Variants in PLA2G4B observed in about 807,000 individuals in gnomAD.
The protein encoded by PLA2G4B is phospholipase A2 group IVB.
In PLA2G4B, 122 loss-of-function variants were observed where a neutral mutation model predicts 95.8. That is an observed-to-expected ratio of 1.27 (90% CI 1.10 to 1.48). The LOEUF is 1.48. Among genes scored for constraint, PLA2G4B ranks in the 40% most tolerant of loss-of-function variants. PLA2G4B has a pLI of 0.00. For synonymous variants in PLA2G4B, 518 were observed against 421.5 expected, an observed-to-expected ratio of 1.23 and a Z score of -2.80; for missense variants, 1,158 against 996.2, an observed-to-expected ratio of 1.16 and a Z score of -2.19.
In PLA2G4B at chr15:41,841,220, G is replaced by T. The variant is rs1189858859; in HGVS notation, c.393-11G>T. On this transcript the variant is annotated splice_polypyrimidine_tract_variant and intron_variant, in intron 5 of 19. Transcript: ENST00000458483. ...GACTCCTGCTAAGGGGGCTCTGGGGGCTCTTTCCAGGGCTGACCGTGGCGA... is the reference window on the plus strand; with the variant it reads ...GACTCCTGCTAAGGGGGCTCTGGGGTCTCTTTCCAGGGCTGACCGTGGCGA... 3 of 1,613,964 alleles carry T rather than the reference G, an allele frequency of 1.9e-6. No homozygotes were observed. The highest frequency in any genetic ancestry group is 1.1e-5 in the South Asian group (1 of 91,070).
intron 12 of PLA2G4B, 79 bp from the exon 13 acceptor site, chr15:41,844,769 C>T: frequency 1.3e-6 from 2 of 1,537,188 alleles, no homozygotes; most frequent in Non-Finnish European, 1.8e-6. Flanking sequence ...GGCCATTGTC[C>T]TAGAAAGCCC....
rs375778413 is a variant in PLA2G4B, at chr15:41,840,712, G to A, written c.219+52G>A. The A allele has an allele frequency of 7.9e-4, 1,264 of 1,605,908 alleles. 5 individuals are homozygous for A. The African/African-American group carries it at 0.014, about 18-fold the overall frequency. On this transcript the variant is annotated intron_variant, in intron 3 of 19. Transcript: ENST00000458483. ...ACCCACATCCTCGCCAGCCACTGCCGCTGCCCTGCTCACCTTTCTGTCCCC... is the reference window on the plus strand; with the variant it reads ...ACCCACATCCTCGCCAGCCACTGCCACTGCCCTGCTCACCTTTCTGTCCCC...
rs1352553996 is a variant in PLA2G4B at position 41,847,771 on chromosome 15, A to C, written c.2257A>C (p.Thr753Pro). The change falls in exon 20 of 20, where the codon ACA becomes CCA. Residue 753 changes from threonine (T) to proline (P), a missense_variant. Transcript: ENST00000458483. ...QEDVDKLLHL[T>P]HYNVCNNQEQ... is the part of the protein sequence containing the mutation. ...GGACGTGGACAAGCTGCTGCACCTG[A>C]CACATTACAATGTCTGCAACAACCA... 1.2e-6 allele frequency: 2 copies of C among 1,609,780 alleles called. No individual in the cohort carries two copies. Among genetic ancestry groups the C allele is most frequent in the African/African-American group, 2.8e-5 (2 of 71,430 alleles).
chr15:41,846,483 G>A (rs2065548899), intron 17 of PLA2G4B, 101 bp downstream of exon 17: 1 of 1,525,188 alleles, frequency 6.6e-7, no homozygotes, highest in Non-Finnish European at 8.8e-7. Flanking sequence ...CTTTGAGCTT[G>A]ATTCCCTGGA....
At chr15:41,838,985 AAT>A (rs753246644) in intron 1 of PLA2G4B, 63 bp downstream of exon 1, 71 of 1,358,998 alleles carry the variant, frequency 5.2e-5, no homozygotes, top group Non-Finnish European at 7.1e-5. Flanking sequence ...GGGCCTAGTT[AAT>A]ATGTTTCTTA....
intron 18 of PLA2G4B, 145 bp downstream of exon 18, chr15:41,846,980 C>CTCAT: frequency 8.3e-7 from 1 of 1,201,944 alleles, no homozygotes; most frequent in South Asian, 1.8e-5. Context: ...ACCAGAGGAG[C>CTCAT]TCATTCTTTT....
Position 41,846,218 on chromosome 15 carries a change from C to A in PLA2G4B, c.1616C>A (p.Pro539His). 1.2e-6 allele frequency: 2 copies of A among 1,613,858 alleles called. No homozygotes were observed. Among genetic ancestry groups the A allele is most frequent in the Non-Finnish European group, 1.7e-6 (2 of 1,179,888 alleles). Residue 539 changes from proline (P) to histidine (H), a missense_variant, in exon 17 of 20, where the codon CCC becomes CAC. Physicochemically the swap from Pro to His is moderately conservative, Grantham distance 77. Transcript: ENST00000458483. ...NQANLDKEQV[P>H]LLKIEEPPST... The stretch of plus-strand genomic sequence containing the variant: ...GCCTGTGTAGACAAGGAGCAGGTCC[C>A]CCTTCTGAAGATAGAAGAACCACCC...
chr15:41,846,166 T>C (rs200644850), intron 16 of PLA2G4B, 37 bp from the exon 17 acceptor site: 6 of 1,601,892 alleles, frequency 3.7e-6, no homozygotes, highest in Non-Finnish European at 5.1e-6. Context: ...GGGATAAAGG[T>C]GCAGGAGTCC....
chr15:41,844,589 G>A lies in PLA2G4B; in HGVS notation c.998G>A (p.Gly333Glu), dbSNP rs949939682. 2 of 1,614,164 alleles carry A rather than the reference G, an allele frequency of 1.2e-6. No homozygotes were observed. The highest frequency in any genetic ancestry group is 1.7e-5 in the Admixed American group (1 of 60,026). ...GLLDCVSYIT[G>E]ASGSTWALAN... ...TTGGATTGCGTCTCCTACATCACCG[G>A]GGCCTCGGGCTCCACCTGGTGAGCT... Residue 333 changes from glycine (G) to glutamate (E), a missense_variant, in exon 12 of 20, where the codon GGG (glycine) becomes GAG (glutamate). By Grantham distance (98) the Gly-to-Glu change is moderately conservative. Transcript: ENST00000458483.
chr15:41,845,682 G>A lies in PLA2G4B; in HGVS notation c.1402G>A (p.Gly468Arg), dbSNP rs148623870. 7 of 1,614,070 alleles carry A rather than the reference G, an allele frequency of 4.3e-6. No individual in the cohort carries two copies. Among genetic ancestry groups the A allele is most frequent in the East Asian group, 2.2e-5 (1 of 44,886 alleles). Residue 468 changes from glycine (G) to arginine (R), a missense_variant, in exon 15 of 20, where the codon GGG becomes AGG. Physicochemically the swap from Gly to Arg is moderately radical, Grantham distance 125 (BLOSUM62 -2). Transcript: ENST00000458483. ...SPYEVGFPKY[G>R]AFIPSELFGS... ...CTACGAGGTCGGCTTCCCCAAGTACGGGGCCTTCATCCCCTCTGAGCTCTT... is the reference window on the plus strand; with the variant it reads ...CTACGAGGTCGGCTTCCCCAAGTACAGGGCCTTCATCCCCTCTGAGCTCTT...
chr15:41,840,979 C>T (rs2065419986), intron 4 of PLA2G4B, 74 bp downstream of exon 4: 9 of 1,581,684 alleles, frequency 5.7e-6, no homozygotes, highest in East Asian at 2.3e-5. Flanking sequence ...TGCACACACA[C>T]GCATGTCTCT....
At chr15:41,843,948 GTGT>G in intron 11 of PLA2G4B, 137 bp downstream of exon 11, 1 of 1,425,198 alleles carries the variant, frequency 7.0e-7, no homozygotes, top group South Asian at 1.5e-5. Context: ...CTCTCACCTG[GTGT>G]TAGCAGGGAC....
In PLA2G4B at chr15:41,847,788, C is replaced by T. The variant is rs200184212; in HGVS notation, c.2274C>T (p.Cys758=). Reference sequence around the variant, plus strand: ...TGCACCTGACACATTACAATGTCTGCAACAACCAGGAGCAGCTGCTGGAGG... The same window carrying T: ...TGCACCTGACACATTACAATGTCTGTAACAACCAGGAGCAGCTGCTGGAGG... ...KLLHLTHYNV[C]NNQEQLLEAL... The change falls in exon 20 of 20, where the codon TGC becomes TGT. Residue 758 remains cysteine (C), a synonymous_variant. Coordinates refer to ENST00000458483, the MANE Select transcript of PLA2G4B (RefSeq NM_001114633.2). 131 of 1,609,832 alleles carry T rather than the reference C, an allele frequency of 8.1e-5. 1 individual carries two copies. Among genetic ancestry groups the T allele is most frequent in the Non-Finnish European group, 2.6e-5 (31 of 1,180,020 alleles).
intron 18 of PLA2G4B, among the ~76,000 whole-genome samples, 167 bp from the exon 19 acceptor site, chr15:41,847,170 C>T (rs530078803): frequency 9.3e-5 from 13 of 140,044 alleles, no homozygotes; most frequent in East Asian, 2.2e-4. Flanking sequence ...GAGCTGCCAC[C>T]GAGGCCTGTC....
At chr15:41,842,387 C>A in intron 9 of PLA2G4B, 111 bp downstream of exon 9, 1 of 1,551,142 alleles carries the variant, frequency 6.4e-7, no homozygotes. Context: ...TGAGCAGGTG[C>A]TGGGGCCAGG....
At chr15:41,846,980 C>T in intron 18 of PLA2G4B, 145 bp downstream of exon 18, 1 of 1,201,944 alleles carries the variant, frequency 8.3e-7, no homozygotes, top group Non-Finnish European at 1.1e-6. Context: ...ACCAGAGGAG[C>T]TCATTCTTTT....
At chr15:41,842,051 C>G in intron 8 of PLA2G4B, 102 bp downstream of exon 8, 1 of 1,559,068 alleles carries the variant, frequency 6.4e-7, no homozygotes, top group Non-Finnish European at 8.7e-7. Context: ...GAGTGGGCAC[C>G]CTGGCAGCAT....
At position 41,846,688 on chromosome 15, in the gene PLA2G4B, C is replaced by G; in HGVS notation, c.1800C>G (p.Leu600=). The change falls in exon 18 of 20, where the codon CTC becomes CTG. Residue 600 remains leucine (L), a synonymous_variant. Transcript: ENST00000458483. ...TTCCAGCTACCACTCTGGATGGGCT[C>G]CCCAACCAGCTGACACCCTCGGAGC... ...STWKATTLDG[L]PNQLTPSEPH... 1 of 1,611,802 alleles carries G rather than the reference C, an allele frequency of 6.2e-7. No individual in the cohort carries two copies. The highest frequency in any genetic ancestry group is 1.3e-5 in the African/African-American group (1 of 74,986).
chr15:41,845,954 A>C lies in PLA2G4B; in HGVS notation c.1507A>C (p.Asn503His), dbSNP rs1199413566. The C allele has an allele frequency of 6.6e-7, 1 of 1,515,388 alleles. No individual in the cohort carries two copies. The highest frequency in any genetic ancestry group is 2.3e-5 in the East Asian group (1 of 43,946). 93.9% of individuals were successfully genotyped at this position (1,515,388 alleles called of 1,614,324 possible). ...GGCCGCTCTTTCAGGTATCTGGAGC[A>C]ACCTGTATGCAGCCAACCTCCAGGA... is the stretch of plus-strand genomic sequence containing the variant. ...RICFLEGIWS[N>H]LYAANLQDSL... Residue 503 changes from asparagine to histidine, a missense_variant, in exon 16 of 20, where the codon AAC becomes CAC. Transcript: ENST00000458483.
Sources: gnomAD v4.1 joint callset for allele counts (sites outside exome capture counted in the v4.1 genomes callset) on GRCh38, gnomAD v4.1.1 for gene constraint, MANE v1.5 for transcripts, NCBI Gene and HGNC (gene_info 2026-07-23, HGNC 2026-07-21) for gene names.